SLCO3A1: variants seen among roughly 807,000 people sequenced by gnomAD.
SLCO3A1 encodes PGE1 transporter.
A neutral mutation model predicts 63.1 loss-of-function variants in SLCO3A1; 27 were observed. The ratio of observed to expected loss-of-function variants is 0.43; its 90% CI spans 0.32 to 0.59. The LOEUF (loss-of-function observed/expected upper bound fraction) is 0.59, where lower values mean the gene tolerates loss of function less well. Among genes scored for constraint, SLCO3A1 ranks in the 20% least tolerant of loss-of-function variants. The pLI is 0.09. For missense variants in SLCO3A1, 773 were observed against 945.8 expected, an observed-to-expected ratio of 0.82 and a Z score of 2.40; for synonymous variants, 473 against 409.9, an observed-to-expected ratio of 1.15 and a Z score of -1.86.
downstream of SLCO3A1, chr15:92,166,055 G>T (rs1190419316): frequency 2.3e-5 from 7 of 304,294 alleles, no homozygotes; most frequent in Non-Finnish European, 2.9e-5. Flanking sequence ...TTTGTTTTTT[G>T]TTTTGTTTTG....
At chr15:91,910,099 G>C (rs1045063747) in intron 1 of SLCO3A1, among the ~76,000 whole-genome samples, 1 of 152,150 alleles carries the variant, frequency 6.6e-6, no homozygotes, top group Admixed American at 6.5e-5. Flanking sequence ...ACAGTTCTCT[G>C]AAGCCACTCC....
At chr15:92,031,304 G>A (rs565728381) in intron 2 of SLCO3A1, among the ~76,000 whole-genome samples, 72 of 152,306 alleles carry the variant, frequency 4.7e-4, no homozygotes, top group African/African-American at 1.7e-3. Flanking sequence ...ACTTGGAAAA[G>A]CATGAAGAGA....
intron 1 of SLCO3A1, among the ~76,000 whole-genome samples, chr15:91,915,324 G>T (rs1898617783): frequency 6.6e-6 from 1 of 152,114 alleles, no homozygotes; most frequent in Non-Finnish European, 1.5e-5. Flanking sequence ...AAAAAACGGG[G>T]GAAATCATAA....
intron 2 of SLCO3A1, among the ~76,000 whole-genome samples, chr15:92,054,642 C>T (rs1464487861): frequency 2.0e-5 from 3 of 151,894 alleles, no homozygotes; most frequent in Non-Finnish European, 4.4e-5. Context: ...GTGTTGTTCC[C>T]CTCCCTGTGT....
chr15:92,135,421 T>A (rs778636841), intron 7 of SLCO3A1, among the ~76,000 whole-genome samples: 17 of 152,178 alleles, frequency 1.1e-4, no homozygotes, highest in Non-Finnish European at 2.5e-4. Flanking sequence ...AGAATTTTTC[T>A]CCCTGGCCAT....
In SLCO3A1 at chr15:91,906,035, G is replaced by A. The variant is rs916558892; in HGVS notation, c.181-9958G>A. ...AATCCTGGCTCTGCACCTTAGCTGC[G>A]TGGCATCAATGGGATAGTTATCTTC... On this transcript the variant is annotated intron_variant, in intron 1 of 9. Coordinates refer to ENST00000318445, the MANE Select transcript of SLCO3A1 (RefSeq NM_013272.4). Among the ~76,000 whole-genome samples, 10 of 152,270 alleles carry A rather than the reference G, an allele frequency of 6.6e-5. No individual in the cohort carries two copies. The East Asian group carries it at 7.7e-4, about 12-fold the overall frequency.
At chr15:92,114,679 A>G (rs2047771592) in intron 4 of SLCO3A1, among the ~76,000 whole-genome samples, 2 of 152,078 alleles carry the variant, frequency 1.3e-5, no homozygotes, top group South Asian at 4.2e-4. Context: ...TATCTCATCT[A>G]AGACCTCCCT....
intron 2 of SLCO3A1, among the ~76,000 whole-genome samples, chr15:92,017,212 A>G (rs1295114794): frequency 2.0e-5 from 3 of 151,576 alleles, no homozygotes; most frequent in African/African-American, 7.2e-5. Flanking sequence ...AGATCTGGTT[A>G]TTGGAACTGA....
chr15:91,987,836 A>G (rs1228513389), intron 2 of SLCO3A1, among the ~76,000 whole-genome samples: 2 of 152,156 alleles, frequency 1.3e-5, no homozygotes, highest in African/African-American at 4.8e-5. Flanking sequence ...CAGAAGAAAA[A>G]TAGCAGTTTT....
intron 1 of SLCO3A1, chr15:91,889,080 T>G: frequency 1.0e-6 from 1 of 985,010 alleles, no homozygotes; most frequent in Non-Finnish European, 1.3e-6. Context: ...ATAGCTAACA[T>G]TTGTGTACTT....
At chr15:92,031,267 G>T (rs142980254) in intron 2 of SLCO3A1, among the ~76,000 whole-genome samples, 22 of 152,128 alleles carry the variant, frequency 1.4e-4, no homozygotes, top group Admixed American at 1.4e-3. Flanking sequence ...AGATGACTCA[G>T]TAGAAAAACA....
chr15:92,142,477 A>G (rs546208520), intron 7 of SLCO3A1, among the ~76,000 whole-genome samples: 1 of 152,268 alleles, frequency 6.6e-6, no homozygotes, highest in Admixed American at 6.5e-5. Flanking sequence ...CTGTAAGGAC[A>G]CTAATCCCAT....
chr15:91,939,980 G>A (rs187106385), intron 2 of SLCO3A1, among the ~76,000 whole-genome samples: 108 of 152,262 alleles, frequency 7.1e-4, no homozygotes, highest in Non-Finnish European at 1.1e-3. Context: ...CTTGAACCCT[G>A]GCAGTCAGGC....
intron 9 of SLCO3A1, among the ~76,000 whole-genome samples, chr15:92,160,052 G>A (rs1200728674): frequency 6.6e-6 from 1 of 152,088 alleles, no homozygotes; most frequent in Non-Finnish European, 1.5e-5. Context: ...ATTTACTAGA[G>A]GTGTCCTCTC....
At chr15:92,039,993 T>A (rs2046778017) in intron 2 of SLCO3A1, among the ~76,000 whole-genome samples, 2 of 152,050 alleles carry the variant, frequency 1.3e-5, no homozygotes, top group Admixed American at 1.3e-4. Flanking sequence ...ATGATCTCAC[T>A]CATAAGTGGG....
chr15:92,040,180 G>T (rs971578797), intron 2 of SLCO3A1, among the ~76,000 whole-genome samples: 2 of 152,024 alleles, frequency 1.3e-5, no homozygotes, highest in Non-Finnish European at 2.9e-5. Flanking sequence ...AAACCTACAC[G>T]TTCTGCACTT....
At chr15:92,066,723 G>A (rs1226731302) in intron 2 of SLCO3A1, among the ~76,000 whole-genome samples, 2 of 152,206 alleles carry the variant, frequency 1.3e-5, no homozygotes, top group East Asian at 3.9e-4. Flanking sequence ...CACGGACTGT[G>A]CTCAGCCAGG....
chr15:92,167,338 G>A (rs566622093), downstream of SLCO3A1, among the ~76,000 whole-genome samples: 5 of 152,264 alleles, frequency 3.3e-5, no homozygotes, highest in South Asian at 4.2e-4. Flanking sequence ...TTCCTTTTAG[G>A]GACCGTTCCC....
intron 2 of SLCO3A1, among the ~76,000 whole-genome samples, chr15:92,093,322 G>A (rs1277378137): frequency 1.3e-5 from 2 of 152,172 alleles, no homozygotes; most frequent in African/African-American, 4.8e-5. Context: ...GAGAGCCAGA[G>A]CAAGAGGGAG....
Sources: allele counts gnomAD v4.1 joint callset (sites outside exome capture counted in the v4.1 genomes callset), GRCh38; gene constraint gnomAD v4.1.1; transcripts MANE v1.5; gene names NCBI Gene and HGNC (gene_info 2026-07-23, HGNC 2026-07-21).